Variants in LRP1B observed in about 807,000 individuals in gnomAD.
LRP1B encodes the protein low-density lipoprotein receptor-related protein 1B.
A neutral mutation model predicts 556.6 loss-of-function variants in LRP1B; 217 were observed. That is an observed-to-expected ratio of 0.39 (90% confidence interval 0.35 to 0.44). LRP1B has a LOEUF of 0.44. Among genes scored for constraint, LRP1B ranks in the 20% least tolerant of loss-of-function variants. The pLI is 1.00. For missense variants in LRP1B, 5,053 were observed against 5,620.8 expected, an observed-to-expected ratio of 0.90 and a Z score of 3.23; for synonymous variants, 2,047 against 1,865.8, an observed-to-expected ratio of 1.10 and a Z score of -2.50.
At chr2:140,517,709 CT>C (rs372100986) in intron 49 of LRP1B, among the ~76,000 whole-genome samples, 10 of 125,440 alleles carry the variant, frequency 8.0e-5, no homozygotes, top group African/African-American at 2.1e-4. Flanking sequence ...TTTATCTTTC[CT>C]TTTTTTTTTT....
intron 72 of LRP1B, among the ~76,000 whole-genome samples, chr2:140,361,359 T>TATATATATAC (rs1558829122): frequency 1.6e-5 from 2 of 123,062 alleles, no homozygotes; most frequent in Non-Finnish European, 3.5e-5. Context: ...TATATATATA[T>TATATATATAC]ATATATATAT....
At chr2:140,577,177 C>A (rs1307088296) in intron 43 of LRP1B, among the ~76,000 whole-genome samples, 1 of 152,006 alleles carries the variant, frequency 6.6e-6, no homozygotes, top group African/African-American at 2.4e-5. Context: ...AAGCCAAGTA[C>A]AACACTGCAA....
At chr2:141,372,148 C>T (rs1452479031) in intron 3 of LRP1B, among the ~76,000 whole-genome samples, 1 of 151,962 alleles carries the variant, frequency 6.6e-6, no homozygotes, top group Non-Finnish European at 1.5e-5. Context: ...TGATTTTGAA[C>T]AGATTAACAT....
intron 3 of LRP1B, among the ~76,000 whole-genome samples, chr2:141,349,695 T>C (rs1205764921): frequency 6.6e-6 from 1 of 152,102 alleles, no homozygotes; most frequent in Non-Finnish European, 1.5e-5. Context: ...GTTAGATATT[T>C]CTCTAAGTAT....
intron 2 of LRP1B, among the ~76,000 whole-genome samples, chr2:141,635,887 G>T (rs1331918144): frequency 6.6e-6 from 1 of 152,110 alleles, no homozygotes; most frequent in Non-Finnish European, 1.5e-5. Flanking sequence ...AGGGTATACA[G>T]GTCTCTTTCA....
At chr2:141,561,691 A>C (rs553015082) in intron 2 of LRP1B, among the ~76,000 whole-genome samples, 1 of 151,944 alleles carries the variant, frequency 6.6e-6, no homozygotes, top group African/African-American at 2.4e-5. Context: ...CTTTTCACAA[A>C]TCTTCCTCTC....
intron 3 of LRP1B, among the ~76,000 whole-genome samples, chr2:141,267,428 G>T (rs300400): frequency 0.12 from 18,585 of 152,142 alleles, 1,284 homozygotes; most frequent in Admixed American, 0.18. Flanking sequence ...TAAATGCTGA[G>T]ATATGAGCCA....
chr2:140,946,162 C>T (rs1695541341), intron 20 of LRP1B, among the ~76,000 whole-genome samples: 1 of 152,192 alleles, frequency 6.6e-6, no homozygotes, highest in South Asian at 2.1e-4. Flanking sequence ...TAACATCTCA[C>T]ACCAATCAGA....
chr2:141,954,158 C>T (rs1701186268), intron 1 of LRP1B, among the ~76,000 whole-genome samples: 2 of 151,978 alleles, frequency 1.3e-5, no homozygotes, highest in Non-Finnish European at 2.9e-5. Flanking sequence ...TTTTTCTTCA[C>T]TTTACATTAT....
chr2:140,768,458 G>A (rs1036496626), intron 35 of LRP1B, among the ~76,000 whole-genome samples: 1 of 151,772 alleles, frequency 6.6e-6, no homozygotes, highest in Non-Finnish European at 1.5e-5. Flanking sequence ...ATACGATTTA[G>A]CATTTATTTT....
At chr2:140,619,474 C>T (rs1683377621) in intron 41 of LRP1B, among the ~76,000 whole-genome samples, 1 of 152,072 alleles carries the variant, frequency 6.6e-6, no homozygotes, top group South Asian at 2.1e-4. Context: ...AAGACTGTGG[C>T]ACTCAAAACC....
intron 32 of LRP1B, among the ~76,000 whole-genome samples, chr2:140,796,119 A>G (rs908599202): frequency 1.1e-4 from 16 of 151,996 alleles, no homozygotes; most frequent in Admixed American, 1.0e-3. Flanking sequence ...AAATTCGTTC[A>G]TTTTTAAATA....
rs142129817 is a variant in LRP1B at position 140,760,304 on chromosome 2, G to A, written c.5758+8909C>T. The stretch of plus-strand genomic sequence containing the variant: ...TGGATAATACTTCATTTTGGGAAAG[G>A]AACAGGACACTAAACATGCACAGGG... On this transcript the variant is annotated intron_variant, in intron 35 of 90. Transcript: ENST00000389484. Among the ~76,000 whole-genome samples the A allele has an allele frequency of 4.6e-5, 7 of 152,232 alleles. No individual in the cohort carries two copies. The East Asian group carries it at 1.4e-3, about 29-fold the overall frequency.
chr2:141,796,911 A>T lies in LRP1B; in HGVS notation c.205+13368T>A, dbSNP rs866225982. 1.8e-4 allele frequency among the ~76,000 whole-genome samples: 27 copies of T among 151,746 alleles called. 1 individual carries two copies. In the Middle Eastern group the frequency reaches 0.014, roughly 77 times the overall value. On this transcript the variant is annotated intron_variant, in intron 2 of 90. Transcript: ENST00000389484. ...AATTGTTTCATTGCTGAACCAATTA[A>T]ATATATACACAAAAAACTTGTTGAC...
At chr2:141,143,613 A>G (rs1199491504) in intron 7 of LRP1B, among the ~76,000 whole-genome samples, 10 of 152,094 alleles carry the variant, frequency 6.6e-5, no homozygotes. Flanking sequence ...TTTCAAACAA[A>G]TAGTTTCTAA....
At chr2:141,982,887 C>A (rs929323403) in intron 1 of LRP1B, among the ~76,000 whole-genome samples, 1 of 152,098 alleles carries the variant, frequency 6.6e-6, no homozygotes, top group African/African-American at 2.4e-5. Flanking sequence ...TTCTTTTATG[C>A]TAAACAAGCT....
chr2:140,623,745 C>T (rs1021650365), intron 41 of LRP1B, among the ~76,000 whole-genome samples: 2 of 151,522 alleles, frequency 1.3e-5, no homozygotes, highest in Admixed American at 1.3e-4. Flanking sequence ...ATAGTAAAAC[C>T]CCATCTCTTC....
chr2:140,533,901 G>C (rs930447070), intron 47 of LRP1B, 120 bp downstream of exon 47: 10 of 1,011,354 alleles, frequency 9.9e-6, no homozygotes, highest in Non-Finnish European at 1.4e-5. Flanking sequence ...ATTTACCAAA[G>C]TGTGATCCAT....
At chr2:141,967,752 C>T (rs1018250201) in intron 1 of LRP1B, among the ~76,000 whole-genome samples, 5 of 151,662 alleles carry the variant, frequency 3.3e-5, no homozygotes, top group Non-Finnish European at 7.4e-5. Context: ...AAGATGTGTA[C>T]TTATTCATTT....
Sources: gnomAD v4.1 joint callset for allele counts (sites outside exome capture counted in the v4.1 genomes callset) on GRCh38, gnomAD v4.1.1 for gene constraint, MANE v1.5 for transcripts, NCBI Gene and HGNC (gene_info 2026-07-23, HGNC 2026-07-21) for gene names.